The following ANKS1A variants were observed in gnomAD, a reference collection of about 807,000 sequenced individuals.
ANKS1A encodes the protein ankyrin repeat and sterile alpha motif domain containing 1A, also known as ankyrin repeat and SAM domain-containing protein 1A.
ANKS1A carries 55 observed loss-of-function variants against 120.3 expected under a neutral mutation model. That is an observed-to-expected ratio of 0.46 (90% CI 0.37 to 0.57). The LOEUF (loss-of-function observed/expected upper bound fraction) is 0.57. ANKS1A is among the 20% of genes least tolerant of loss of function. The pLI, the probability that ANKS1A is intolerant of heterozygous loss-of-function variation, is 0.00. For synonymous variants in ANKS1A, 590 were observed against 604.7 expected (o/e 0.98, Z 0.36); for missense variants, 1,123 against 1,480.3 (o/e 0.76, Z 3.96).
intron 1 of ANKS1A, among the ~76,000 whole-genome samples, chr6:34,947,909 A>G (rs576192860): frequency 6.6e-6 from 1 of 152,308 alleles, no homozygotes; most frequent in South Asian, 2.1e-4. Flanking sequence ...CAAATTTGGG[A>G]GGTTGATTAA....
chr6:35,049,790 T>C (rs567106447), intron 11 of ANKS1A, among the ~76,000 whole-genome samples: 46 of 152,364 alleles, frequency 3.0e-4, no homozygotes, highest in Admixed American at 8.5e-4. Flanking sequence ...TTGACCAGAC[T>C]GATTCCTGCT....
At chr6:35,056,999 G>T (rs777000945) in intron 12 of ANKS1A, among the ~76,000 whole-genome samples, 1 of 152,030 alleles carries the variant, frequency 6.6e-6, no homozygotes, top group Non-Finnish European at 1.5e-5. Flanking sequence ...TGGGTTGGGC[G>T]TCAGGATCAG....
chr6:35,002,183 C>T (rs535403027), intron 10 of ANKS1A, among the ~76,000 whole-genome samples: 9 of 152,194 alleles, frequency 5.9e-5, no homozygotes, highest in East Asian at 5.8e-4. Flanking sequence ...TCAGAGAGCC[C>T]GGTTAAACAT....
Position 35,085,705 on chromosome 6 carries a change from C to T in ANKS1A, c.3133-61C>T. ...GACACATGGTCCCTGCGAGGAAGGG[C>T]ATATCCAGTGTGAAGCGGCTCCTGA... is the stretch of plus-strand genomic sequence containing the variant. On this transcript the variant is annotated intron_variant, in intron 21 of 23. Coordinates refer to ENST00000360359, the MANE Select transcript of ANKS1A (RefSeq NM_015245.3). This position sits in a 1 kb window ranked among gnomAD's most constrained non-coding sequence, Gnocchi z 4.7. The T allele has an allele frequency of 6.6e-7, 1 of 1,511,852 alleles. No individual in the cohort carries two copies. The highest frequency in any genetic ancestry group is 1.3e-5 in the South Asian group (1 of 75,658). The allele number at this position is 1,511,852 out of a possible 1,614,324, so 93.7% of individuals were successfully genotyped here. A position where few individuals can be genotyped will look rare whatever the true frequency, so the allele number is the denominator to read the frequency against.
intron 1 of ANKS1A, among the ~76,000 whole-genome samples, chr6:34,923,735 T>G (rs1035960910): frequency 6.6e-6 from 1 of 152,146 alleles, no homozygotes; most frequent in Non-Finnish European, 1.5e-5. Context: ...GAGAGGTGCT[T>G]CCTTCCTGTG....
intron 1 of ANKS1A, among the ~76,000 whole-genome samples, chr6:34,934,505 T>G (rs1356465407): frequency 6.6e-6 from 1 of 152,250 alleles, no homozygotes; most frequent in Non-Finnish European, 1.5e-5. Context: ...TGAAGTCTTT[T>G]GAGCTTGCCA....
In ANKS1A at chr6:35,034,146, C is replaced by T. The variant is rs527373412; in HGVS notation, c.2010+16087C>T. Among the ~76,000 whole-genome samples the T allele has an allele frequency of 2.0e-5, 3 of 152,254 alleles. No individual in the cohort carries two copies. The East Asian group carries it at 5.8e-4, about 29-fold the overall frequency. On this transcript the variant is annotated intron_variant, in intron 11 of 23. Coordinates refer to ENST00000360359, the MANE Select transcript of ANKS1A (RefSeq NM_015245.3). ...GGTATATTAGTTTGCTACCTTGGTA[C>T]CTTTTGCCACTTAGTTTTGCTTTCT...
chr6:35,004,908 T>C (rs1317431000), intron 10 of ANKS1A, among the ~76,000 whole-genome samples: 1 of 152,254 alleles, frequency 6.6e-6, no homozygotes, highest in Non-Finnish European at 1.5e-5. Flanking sequence ...TTGTTTGTAT[T>C]TAAGCTAACG....
intron 13 of ANKS1A, among the ~76,000 whole-genome samples, chr6:35,077,927 G>A (rs1475452259): frequency 5.9e-5 from 9 of 152,308 alleles, no homozygotes; most frequent in African/African-American, 1.7e-4. Flanking sequence ...TCCTTGCATC[G>A]TGCTTAGCGC....
intron 3 of ANKS1A, among the ~76,000 whole-genome samples, chr6:34,975,581 C>T (rs114576113): frequency 0.011 from 1,595 of 151,752 alleles, 28 homozygotes; most frequent in African/African-American, 0.033. Context: ...CAATATAATG[C>T]GATCCCATCT....
rs142730745 is a variant in ANKS1A at position 34,935,789 on chromosome 6, G to A, written c.198-31450G>A. On this transcript the variant is annotated intron_variant, in intron 1 of 23. Coordinates refer to ENST00000360359, the MANE Select transcript of ANKS1A (RefSeq NM_015245.3). The stretch of plus-strand genomic sequence containing the variant: ...AATACTTTCTCCTGGTGGGCCGGGC[G>A]CGGTGGCTCACGCCTGTAATCCCAG... Among the ~76,000 whole-genome samples, 771 of 152,218 alleles carry A rather than the reference G, an allele frequency of 5.1e-3. 7 individuals carry two copies. Among genetic ancestry groups the A allele is most frequent in the African/African-American group, 0.013 (525 of 41,534 alleles).
At chr6:34,931,346 C>T (rs1371426609) in intron 1 of ANKS1A, among the ~76,000 whole-genome samples, 1 of 152,070 alleles carries the variant, frequency 6.6e-6, no homozygotes, top group Non-Finnish European at 1.5e-5. Flanking sequence ...TGGGGTTTCA[C>T]TATGTTGGCC....
rs1338317738 is a variant in ANKS1A, at chr6:34,983,342, G to C, written c.929G>C (p.Arg310Thr). 6.2e-7 allele frequency: 1 copy of C among 1,613,748 alleles called. No homozygotes were observed. The highest frequency in any genetic ancestry group is 1.3e-5 in the African/African-American group (1 of 74,814). Reference protein sequence around the residue: ...ALIEDHMTGKRSTKEVDKTPP... With the variant: ...ALIEDHMTGKTSTKEVDKTPP... The stretch of plus-strand genomic sequence containing the variant: ...CATGTAGATCACATGACTGGAAAAA[G>C]AAGTACAAAAGAAGTAGATAAAACC... The change falls in exon 7 of 24, where the codon AGA (arginine) becomes ACA (threonine). Residue 310 changes from arginine to threonine, a missense_variant. Arg to Thr is a moderately conservative substitution (Grantham distance 71). This residue lies in a region of ANKS1A where 904 missense variants were observed against 1,130.4 expected (regional missense o/e 0.80). Transcript: ENST00000360359.
chr6:35,062,978 C>A (rs890352433), intron 13 of ANKS1A, among the ~76,000 whole-genome samples: 3 of 152,226 alleles, frequency 2.0e-5, no homozygotes, highest in Admixed American at 2.0e-4. Flanking sequence ...AAATTGAAGA[C>A]CTCTGCCCCA....
intron 11 of ANKS1A, among the ~76,000 whole-genome samples, chr6:35,019,291 A>G (rs755027071): frequency 2.0e-5 from 3 of 152,168 alleles, no homozygotes; most frequent in Non-Finnish European, 4.4e-5. Flanking sequence ...TAGCTCTCCA[A>G]GAGGAGGGGA....
At chr6:35,007,790 C>T (rs1236940771) in intron 10 of ANKS1A, among the ~76,000 whole-genome samples, 1 of 152,156 alleles carries the variant, frequency 6.6e-6, no homozygotes. Context: ...GAGATTAAGT[C>T]AGTATTTCTG....
At chr6:34,942,217 C>T (rs1769570646) in intron 1 of ANKS1A, among the ~76,000 whole-genome samples, 3 of 152,206 alleles carry the variant, frequency 2.0e-5, no homozygotes, top group African/African-American at 7.2e-5. Context: ...TAGGCCAAAC[C>T]TTGGCCATCT....
chr6:34,933,297 A>T (rs1769081834), intron 1 of ANKS1A, among the ~76,000 whole-genome samples: 1 of 152,096 alleles, frequency 6.6e-6, no homozygotes. Flanking sequence ...GGCGAAATAG[A>T]TTTTTTTTGA....
chr6:35,023,458 T>A, intron 11 of ANKS1A: 1 of 233,086 alleles, frequency 4.3e-6, no homozygotes, highest in Non-Finnish European at 9.0e-6. Flanking sequence ...ATATTCAGGG[T>A]GCTGGGAAGC....
Sources: allele counts gnomAD v4.1 joint callset (sites outside exome capture counted in the v4.1 genomes callset), GRCh38; gene constraint gnomAD v4.1.1; regional missense constraint gnomAD v4.1.1; non-coding constraint Gnocchi (gnomAD v3.1); transcripts MANE v1.5; gene names NCBI Gene and HGNC (gene_info 2026-07-23, HGNC 2026-07-21).